The following SEL1L2 variants were observed in gnomAD, a reference collection of about 807,000 sequenced individuals.
SEL1L2 encodes the protein SEL1L2 adaptor subunit of SYVN1 ubiquitin ligase.
SEL1L2 carries 89 observed loss-of-function variants against 98.8 expected under a neutral mutation model. That is an observed-to-expected ratio of 0.90 (90% CI 0.76 to 1.07). The LOEUF (loss-of-function observed/expected upper bound fraction) is 1.07, where lower values mean the gene tolerates loss of function less well. SEL1L2 is among the 50% of genes least tolerant of loss of function. The probability of loss-of-function intolerance (pLI) is 0.00; values close to 1 mark genes in which losing one functional copy is unlikely to be tolerated. For synonymous variants in SEL1L2, 262 were observed against 278.5 expected, an observed-to-expected ratio of 0.94 and a Z score of 0.59; for missense variants, 788 against 812.0, an observed-to-expected ratio of 0.97 and a Z score of 0.36.
chr20:13,960,780 A>G (rs1197316878), intron 1 of SEL1L2, among the ~76,000 whole-genome samples: 1 of 152,112 alleles, frequency 6.6e-6, no homozygotes, highest in Non-Finnish European at 1.5e-5. Flanking sequence ...AAAAAACCAC[A>G]ATCTACCGGG....
At chr20:13,979,366 C>T (rs1248627514) in intron 1 of SEL1L2, among the ~76,000 whole-genome samples, 1 of 152,068 alleles carries the variant, frequency 6.6e-6, no homozygotes, top group Non-Finnish European at 1.5e-5. Context: ...ATATGGTTAA[C>T]AACTTATTGC....
At chr20:13,990,333 C>T in intron 1 of SEL1L2, 144 bp downstream of exon 1, 1 of 653,330 alleles carries the variant, frequency 1.5e-6, no homozygotes, top group Non-Finnish European at 2.7e-6. Flanking sequence ...TCTTATTGGA[C>T]ATTTTAAAGT....
At chr20:13,904,625 C>G (rs2047837490) in intron 5 of SEL1L2, among the ~76,000 whole-genome samples, 1 of 152,038 alleles carries the variant, frequency 6.6e-6, no homozygotes, top group Non-Finnish European at 1.5e-5. Context: ...GAAAGTGGAC[C>G]ATAAAGGCTG....
At chr20:13,868,245 C>T (rs1458517195) in intron 14 of SEL1L2, among the ~76,000 whole-genome samples, 2 of 152,078 alleles carry the variant, frequency 1.3e-5, no homozygotes, top group Non-Finnish European at 2.9e-5. Context: ...TCCACCCTCT[C>T]TCCAGTCTTT....
chr20:13,943,869 G>A (rs1274608969), intron 2 of SEL1L2, among the ~76,000 whole-genome samples: 4 of 152,136 alleles, frequency 2.6e-5, no homozygotes, highest in African/African-American at 9.7e-5. Context: ...TAGAATGGGG[G>A]TGTGCATGCT....
intron 1 of SEL1L2, among the ~76,000 whole-genome samples, chr20:13,972,815 G>C (rs749799922): frequency 1.1e-4 from 16 of 152,056 alleles, no homozygotes; most frequent in Non-Finnish European, 2.1e-4. Context: ...GAAGCTTTTA[G>C]GATTTTCTCA....
intron 2 of SEL1L2, among the ~76,000 whole-genome samples, chr20:13,941,396 T>C (rs191192118): frequency 3.3e-4 from 50 of 152,272 alleles, no homozygotes; most frequent in African/African-American, 1.1e-3. Flanking sequence ...TTCACTGCCT[T>C]CCCCGGGTTT....
intron 2 of SEL1L2, among the ~76,000 whole-genome samples, chr20:13,953,047 A>G (rs2050347849): frequency 6.6e-6 from 1 of 152,134 alleles, no homozygotes; most frequent in Non-Finnish European, 1.5e-5. Context: ...CTCCTGTCAG[A>G]TGCATCCTCC....
chr20:13,879,917 T>G (rs1188720093), intron 10 of SEL1L2, among the ~76,000 whole-genome samples: 1 of 152,224 alleles, frequency 6.6e-6, no homozygotes, highest in African/African-American at 2.4e-5. Flanking sequence ...CATTATCTCC[T>G]GGGCTTGGTT....
intron 19 of SEL1L2, 39 bp downstream of exon 19, chr20:13,850,152 G>T: frequency 6.2e-7 from 1 of 1,611,280 alleles, no homozygotes; most frequent in South Asian, 1.1e-5. Flanking sequence ...GCTCACTGGA[G>T]ACTTTCAGAG....
rs112342946 is a variant in SEL1L2 at position 13,962,765 on chromosome 20, A to T, written c.59-6634T>A. 2.2e-4 allele frequency among the ~76,000 whole-genome samples: 33 copies of T among 152,286 alleles called. 2 individuals are homozygous for T. The highest frequency in any genetic ancestry group is 7.9e-4 in the African/African-American group (33 of 41,564). On this transcript the variant is annotated intron_variant, in intron 1 of 19. Transcript: ENST00000284951. ...ATATAGTCCTAGCATTGAGAAAAGG[A>T]TTAGAAGAATAAAATATCGACCAGG...
chr20:13,902,712 GAA>G (rs5840587), intron 5 of SEL1L2, among the ~76,000 whole-genome samples: 127,322 of 151,886 alleles, frequency 0.84, 53,458 homozygotes, highest in Middle Eastern at 0.88. Context: ...TTTAGTAGAA[GAA>G]AAAACGTCTG....
intron 2 of SEL1L2, among the ~76,000 whole-genome samples, chr20:13,951,069 G>A (rs1397267574): frequency 6.6e-6 from 1 of 151,928 alleles, no homozygotes; most frequent in Non-Finnish European, 1.5e-5. Flanking sequence ...AAGGTCAGGA[G>A]ATCGAGACCA....
In SEL1L2 at chr20:13,939,665, C is replaced by CT. The variant is rs3042764; in HGVS notation, c.115-7895dup. 8.7e-5 allele frequency among the ~76,000 whole-genome samples: 12 copies of CT among 138,526 alleles called. 1 individual carries two copies. Among genetic ancestry groups the CT allele is most frequent in the Admixed American group, 2.1e-4 (3 of 14,106 alleles). 90.9% of individuals were successfully genotyped at this position (138,526 alleles called of 152,430 possible). A position where few individuals can be genotyped will look rare whatever the true frequency, so the allele number is the denominator to read the frequency against. On this transcript the variant is annotated intron_variant, in intron 2 of 19. Transcript: ENST00000284951. Reference sequence around the variant, plus strand: ...AGTCATGGAATGAAACACCCTTATTCTTTTTTTTTTTTTTTTTTGAGACAG... The same window carrying CT: ...AGTCATGGAATGAAACACCCTTATTCTTTTTTTTTTTTTTTTTTTGAGACAG...
At chr20:13,911,125 T>A (rs2048188675) in intron 5 of SEL1L2, among the ~76,000 whole-genome samples, 2 of 152,254 alleles carry the variant, frequency 1.3e-5, no homozygotes, top group South Asian at 4.1e-4. Context: ...TAGGCAGAAC[T>A]AGCCAGACCC....
intron 1 of SEL1L2, among the ~76,000 whole-genome samples, chr20:13,965,478 G>C (rs983941320): frequency 6.6e-6 from 1 of 152,196 alleles, no homozygotes; most frequent in Non-Finnish European, 1.5e-5. Flanking sequence ...TGTTGGGTGA[G>C]TACTTAGTTT....
chr20:13,983,023 C>CAAAAA (rs57993052), intron 1 of SEL1L2, among the ~76,000 whole-genome samples: 2,701 of 15,508 alleles, frequency 0.17, 809 homozygotes, highest in South Asian at 0.39. Context: ...GACTCCATCT[C>CAAAAA]AAAAAAAAAA....
At chr20:13,901,908 C>A (rs1464820626) in intron 5 of SEL1L2, among the ~76,000 whole-genome samples, 1 of 152,122 alleles carries the variant, frequency 6.6e-6, no homozygotes, top group Non-Finnish European at 1.5e-5. Context: ...AGCAATCCAC[C>A]CGCCTCAGCC....
intron 2 of SEL1L2, among the ~76,000 whole-genome samples, chr20:13,943,119 C>T (rs1413159357): frequency 6.6e-6 from 1 of 152,146 alleles, no homozygotes; most frequent in African/African-American, 2.4e-5. Flanking sequence ...ATATTTCTTC[C>T]TCTTGGCAAA....
Sources: allele counts gnomAD v4.1 joint callset (sites outside exome capture counted in the v4.1 genomes callset), GRCh38; gene constraint gnomAD v4.1.1; transcripts MANE v1.5; gene names NCBI Gene and HGNC (gene_info 2026-07-23, HGNC 2026-07-21).